C12orf50: variants seen among roughly 807,000 people sequenced by gnomAD.
C12orf50 encodes uncharacterized protein C12orf50.
C12orf50 carries 35 observed loss-of-function variants against 61.6 expected under a neutral mutation model. The ratio of observed to expected loss-of-function variants is 0.57; its 90% CI spans 0.43 to 0.75. The LOEUF (loss-of-function observed/expected upper bound fraction) is 0.75. Ranked by LOEUF, C12orf50 falls within the 30% of genes least tolerant of loss-of-function variation. C12orf50 has a pLI of 0.00. For synonymous variants in C12orf50, 178 were observed against 161.5 expected, an observed-to-expected ratio of 1.10 and a Z score of -0.77; for missense variants, 475 against 488.5, an observed-to-expected ratio of 0.97 and a Z score of 0.26.
chr12:88,006,384 T>C (rs570183071), intron 3 of C12orf50, among the ~76,000 whole-genome samples: 18 of 152,302 alleles, frequency 1.2e-4, no homozygotes, highest in African/African-American at 4.1e-4. Flanking sequence ...CCCCACACTA[T>C]GTTCTATTCC....
At chr12:88,027,424 A>G (rs2032749672) in intron 1 of C12orf50, among the ~76,000 whole-genome samples, 1 of 152,214 alleles carries the variant, frequency 6.6e-6, no homozygotes, top group African/African-American at 2.4e-5. Context: ...TTTTGGAAGA[A>G]AGCCAGATGA....
At position 88,013,032 on chromosome 12, in the gene C12orf50, C is replaced by G. The variant is rs146566149; in HGVS notation, c.133+13456G>C. 1.8e-3 allele frequency among the ~76,000 whole-genome samples: 272 copies of G among 152,084 alleles called. 3 individuals are homozygous for G. Among genetic ancestry groups the G allele is most frequent in the Middle Eastern group, 0.01 (3 of 294 alleles). ...TGAGCTGTGTTCACACCACTGCACT[C>G]TGGCCTGGGCAACAGAGCAAGATCC... On this transcript the variant is annotated intron_variant, in intron 3 of 12. Transcript: ENST00000298699.
intron 1 of C12orf50, among the ~76,000 whole-genome samples, chr12:88,027,366 C>T (rs553841039): frequency 6.6e-6 from 1 of 152,288 alleles, no homozygotes; most frequent in South Asian, 2.1e-4. Flanking sequence ...ATATAAGAAT[C>T]CAGTGACACT....
chr12:88,029,784 T>A (rs2032830538), upstream of C12orf50, among the ~76,000 whole-genome samples: 1 of 152,182 alleles, frequency 6.6e-6, no homozygotes, highest in Non-Finnish European at 1.5e-5. Flanking sequence ...ATATGTACTC[T>A]CTACTATCCA....
In C12orf50 at chr12:87,986,374, A is replaced by C. The variant is rs2136405177; in HGVS notation, c.860T>G (p.Val287Gly). The change falls in exon 10 of 13, where the codon GTG becomes GGG. Residue 287 changes from valine (V) to glycine (G), a missense_variant. Coordinates refer to ENST00000298699, the MANE Select transcript of C12orf50 (RefSeq NM_152589.3). ...QPVKKPHFKG[V>G]KKRKWIYDEP... ...ATCATAAATCCATTTTCTTTTCTTC[A>C]CACCTTTAAAATGAGGCTTCTTCAC... The C allele has an allele frequency of 6.2e-6, 10 of 1,611,374 alleles. No individual in the cohort carries two copies. Among genetic ancestry groups the C allele is most frequent in the Non-Finnish European group, 8.5e-6 (10 of 1,179,050 alleles).
chr12:87,994,650 G>A lies in C12orf50; in HGVS notation c.575C>T (p.Ala192Val). 1 of 1,610,078 alleles carries A rather than the reference G, an allele frequency of 6.2e-7. No homozygotes were observed. Among genetic ancestry groups the A allele is most frequent in the Non-Finnish European group, 8.5e-7 (1 of 1,176,838 alleles). The change falls in exon 7 of 13, where the codon GCT (alanine) becomes GTT (valine). Residue 192 changes from alanine to valine, a missense_variant. By Grantham distance (64) the Ala-to-Val change is moderately conservative. Transcript: ENST00000298699. The stretch of plus-strand genomic sequence containing the variant: ...TAACTCACCTCCATTTTCAAAAGCA[G>A]CAATGTCAGTCTTTGGTTTCCCATG... ...SLHGKPKTDI[A>V]AFENGGGDCY... is the part of the protein sequence containing the mutation.
Position 87,985,963 on chromosome 12 carries a change from T to C in C12orf50, c.1013A>G (p.Gln338Arg). 5 of 1,613,922 alleles carry C rather than the reference T, an allele frequency of 3.1e-6. No individual in the cohort carries two copies. Among genetic ancestry groups the C allele is most frequent in the Non-Finnish European group, 4.2e-6 (5 of 1,179,876 alleles). ...NAENASYIHVQRDAVRTVALN... is the reference protein window; with the variant it reads ...NAENASYIHVRRDAVRTVALN... ...CGCGACAGTCCTGACAGCATCTCTT[T>C]GAACGTGGATATAGGATGCATTCTC... is the stretch of plus-strand genomic sequence containing the variant. The change falls in exon 11 of 13, where the codon CAA becomes CGA. Residue 338 changes from glutamine to arginine, a missense_variant. Coordinates refer to ENST00000298699, the MANE Select transcript of C12orf50 (RefSeq NM_152589.3).
intron 3 of C12orf50, among the ~76,000 whole-genome samples, chr12:87,998,641 C>A (rs1309532733): frequency 6.6e-6 from 1 of 151,996 alleles, no homozygotes; most frequent in African/African-American, 2.4e-5. Context: ...TTATCAAAAT[C>A]CCAATGGACT....
At chr12:88,002,260 C>T (rs1182227939) in intron 3 of C12orf50, among the ~76,000 whole-genome samples, 1 of 151,728 alleles carries the variant, frequency 6.6e-6, no homozygotes, top group Non-Finnish European at 1.5e-5. Context: ...TGGTTATTTA[C>T]ATGTGTGCTA....
intron 4 of C12orf50, 95 bp from the exon 5 acceptor site, chr12:87,996,741 T>A: frequency 2.5e-6 from 2 of 813,244 alleles, no homozygotes; most frequent in Non-Finnish European, 3.9e-6. Flanking sequence ...ACTGTTCTCA[T>A]GGATAGATTA....
intron 12 of C12orf50, among the ~76,000 whole-genome samples, chr12:87,982,640 AAGG>A (rs1172610109): frequency 6.6e-6 from 1 of 152,146 alleles, no homozygotes; most frequent in African/African-American, 2.4e-5. Flanking sequence ...AGAGTTCCAC[AAGG>A]AGGAGACCAC....
intron 10 of C12orf50, 52 bp downstream of exon 10, chr12:87,986,260 T>A (rs988330255): frequency 7.4e-6 from 10 of 1,356,844 alleles, no homozygotes; most frequent in Non-Finnish European, 1.0e-5. Context: ...ATTTGATATT[T>A]AATCTCTTTT....
intron 9 of C12orf50, 92 bp from the exon 10 acceptor site, chr12:87,986,508 T>A (rs1456439780): frequency 1.2e-6 from 1 of 846,834 alleles, no homozygotes; most frequent in Non-Finnish European, 1.8e-6. Context: ...TGCATTCACA[T>A]GTCAAGCAAG....
intron 7 of C12orf50, among the ~76,000 whole-genome samples, chr12:87,992,185 T>C (rs2031156741): frequency 6.6e-6 from 1 of 152,178 alleles, no homozygotes; most frequent in Admixed American, 6.5e-5. Flanking sequence ...TTGTTTTCTC[T>C]TTTGTAAAAT....
intron 3 of C12orf50, among the ~76,000 whole-genome samples, chr12:88,004,127 A>G (rs1408609713): frequency 6.6e-6 from 1 of 152,002 alleles, no homozygotes; most frequent in East Asian, 1.9e-4. Flanking sequence ...CGTAGTTTTT[A>G]CCCATTGATA....
Position 87,988,503 on chromosome 12 carries a change from T to C in C12orf50, c.701-537A>G, listed in dbSNP as rs2030956458. Among the ~76,000 whole-genome samples, 3 of 152,188 alleles carry C rather than the reference T, an allele frequency of 2.0e-5. No individual in the cohort carries two copies. In the South Asian group the frequency reaches 6.2e-4, roughly 31 times the overall value. On this transcript the variant is annotated intron_variant, in intron 8 of 12. Transcript: ENST00000298699. ...TTATTTTATTCAGCTTTAACTTAAATTCAAAGAGTCATAAATAGCTGGTGG... is the reference window on the plus strand; with the variant it reads ...TTATTTTATTCAGCTTTAACTTAAACTCAAAGAGTCATAAATAGCTGGTGG...
chr12:88,005,934 T>TTTTTTTTG (rs1565752378), intron 3 of C12orf50, among the ~76,000 whole-genome samples: 2 of 116,858 alleles, frequency 1.7e-5, no homozygotes, highest in African/African-American at 7.3e-5. Context: ...TTTTTTTTTT[T>TTTTTTTTG]GAGACGGAGT....
chr12:88,026,436 C>G, intron 3 of C12orf50, 52 bp downstream of exon 3: 1 of 1,580,736 alleles, frequency 6.3e-7, no homozygotes, highest in Non-Finnish European at 8.6e-7. Context: ...GCTGCTAGTC[C>G]AAAACCAGAT....
chr12:87,988,730 C>T (rs2030969281), intron 8 of C12orf50, among the ~76,000 whole-genome samples: 1 of 151,938 alleles, frequency 6.6e-6, no homozygotes, highest in Admixed American at 6.6e-5. Context: ...TATGTGAAGC[C>T]CCCTAATTAC....
Sources: gnomAD v4.1 joint callset for allele counts (sites outside exome capture counted in the v4.1 genomes callset) on GRCh38, gnomAD v4.1.1 for gene constraint, MANE v1.5 for transcripts, NCBI Gene and HGNC (gene_info 2026-07-23, HGNC 2026-07-21) for gene names.